The following LCA5 variants were observed in gnomAD, a reference collection of about 807,000 sequenced individuals.
The protein encoded by LCA5 is lebercilin.
In LCA5, 37 loss-of-function variants were observed where a neutral mutation model predicts 53.0. The observed-to-expected ratio is 0.70, with a 90% CI of 0.54 to 0.92. The LOEUF is 0.92. LCA5 is among the 40% of genes least tolerant of loss of function. The pLI, the probability that LCA5 is intolerant of heterozygous loss-of-function variation, is 0.00. For missense variants in LCA5, 806 were observed against 790.5 expected (o/e 1.02, Z -0.23); for synonymous variants, 303 against 282.9 (o/e 1.07, Z -0.71).
chr6:79,506,588 G>C (rs1291885609), intron 3 of LCA5, among the ~76,000 whole-genome samples: 1 of 152,062 alleles, frequency 6.6e-6, no homozygotes, highest in East Asian at 1.9e-4. Context: ...CTAAGAAATG[G>C]TGCAGTCTTG....
rs976369896 is a variant in LCA5 at position 79,518,974 on chromosome 6, T to C, written c.-80A>G. 2.4e-6 allele frequency: 3 copies of C among 1,274,060 alleles called. No individual in the cohort carries two copies. Among genetic ancestry groups the C allele is most frequent in the African/African-American group, 1.5e-5 (1 of 68,392 alleles). The allele number at this position is 1,274,060 out of a possible 1,614,324, so 78.9% of individuals were successfully genotyped here. On this transcript the variant is annotated 5_prime_UTR_variant, in exon 2 of 8. An upstream start codon of the reference 5' UTR is lost. Coordinates refer to ENST00000369846, the MANE Select transcript of LCA5 (RefSeq NM_001122769.3). ...GAGACTATGACAATACTGAAAAACA[T>C]TTTCACAGTCTTCAGATCCTGATAA...
At chr6:79,536,001 G>A (rs572088018) in intron 1 of LCA5, among the ~76,000 whole-genome samples, 12 of 152,244 alleles carry the variant, frequency 7.9e-5, no homozygotes, top group African/African-American at 2.6e-4. Context: ...TATGTGTAAC[G>A]GAAGAGATGT....
At chr6:79,492,858 G>A (rs776293897) in intron 4 of LCA5, among the ~76,000 whole-genome samples, 4 of 151,768 alleles carry the variant, frequency 2.6e-5, no homozygotes, top group Non-Finnish European at 5.9e-5. Flanking sequence ...AATATGTCCT[G>A]GAAATTAAAA....
chr6:79,503,511 A>G (rs986805638), intron 3 of LCA5, among the ~76,000 whole-genome samples: 16 of 152,304 alleles, frequency 1.1e-4, no homozygotes, highest in African/African-American at 3.6e-4. Context: ...CCACTGCACT[A>G]AATTATTTCC....
intron 3 of LCA5, among the ~76,000 whole-genome samples, chr6:79,511,350 C>T (rs1770404576): frequency 6.6e-6 from 1 of 152,116 alleles, no homozygotes; most frequent in Non-Finnish European, 1.5e-5. Flanking sequence ...AATGTATAAG[C>T]AAAATCTGCT....
chr6:79,538,229 G>C (rs967345663), upstream of LCA5, among the ~76,000 whole-genome samples: 3 of 151,748 alleles, frequency 2.0e-5, no homozygotes, highest in African/African-American at 4.8e-5. Context: ...CACTACTCTG[G>C]TGTTCTCACT....
At chr6:79,533,901 CAA>C (rs940874720) in intron 1 of LCA5, among the ~76,000 whole-genome samples, 7 of 151,632 alleles carry the variant, frequency 4.6e-5, no homozygotes, top group Non-Finnish European at 7.4e-5. Flanking sequence ...TTGCTACCAG[CAA>C]AAGAGTTCAC....
At chr6:79,531,177 G>A (rs1174234498) in intron 1 of LCA5, among the ~76,000 whole-genome samples, 1 of 152,080 alleles carries the variant, frequency 6.6e-6, no homozygotes. Context: ...TAACAATCAG[G>A]TGATAACTAC....
At chr6:79,527,382 G>A (rs2127687829) in intron 1 of LCA5, among the ~76,000 whole-genome samples, 1 of 152,212 alleles carries the variant, frequency 6.6e-6, no homozygotes, top group African/African-American at 2.4e-5. Context: ...ATGGAAACTG[G>A]CAGGGAACTC....
chr6:79,506,894 T>C (rs548454898), intron 3 of LCA5, among the ~76,000 whole-genome samples: 2 of 152,218 alleles, frequency 1.3e-5, no homozygotes, highest in Non-Finnish European at 2.9e-5. Context: ...AAATGACCAA[T>C]GTGTGATGTA....
chr6:79,493,491 T>C (rs1562096723), intron 4 of LCA5, 122 bp downstream of exon 4: 2 of 931,556 alleles, frequency 2.1e-6, no homozygotes, highest in African/African-American at 1.7e-5. Context: ...AAAGATAATA[T>C]CAGAATTTTG....
At chr6:79,511,568 A>C (rs1325159362) in intron 3 of LCA5, among the ~76,000 whole-genome samples, 2 of 152,192 alleles carry the variant, frequency 1.3e-5, no homozygotes, top group Non-Finnish European at 2.9e-5. Flanking sequence ...ACACGAATCT[A>C]TACATGTGAT....
chr6:79,486,927 A>T lies in LCA5; in HGVS notation c.*77T>A, dbSNP rs1392385941. ...TAATAAGGACATTTTAGCATTAAAA[A>T]GTCTAAATGTTTATAATAAATACTG... On this transcript the variant is annotated 3_prime_UTR_variant, in exon 8 of 8. Transcript: ENST00000369846. The T allele has an allele frequency of 6.7e-6, 8 of 1,196,334 alleles. No individual in the cohort carries two copies. The East Asian group carries it at 2.1e-4, about 31-fold the overall frequency. The allele number at this position is 1,196,334 out of a possible 1,614,324, so 74.1% of individuals were successfully genotyped here. A position where few individuals can be genotyped will look rare whatever the true frequency, so the allele number is the denominator to read the frequency against.
chr6:79,521,594 CTT>C (rs1373030147), intron 1 of LCA5, among the ~76,000 whole-genome samples: 1 of 152,110 alleles, frequency 6.6e-6, no homozygotes, highest in African/African-American at 2.4e-5. Flanking sequence ...AGTTTTAAAA[CTT>C]TGACATTCAA....
chr6:79,511,667 T>A (rs746539602), intron 3 of LCA5, among the ~76,000 whole-genome samples: 1 of 152,192 alleles, frequency 6.6e-6, no homozygotes, highest in Non-Finnish European at 1.5e-5. Context: ...ACCAATTTCC[T>A]GGTTGTAATA....
At chr6:79,516,284 G>A (rs1297536071) in intron 2 of LCA5, among the ~76,000 whole-genome samples, 3 of 151,536 alleles carry the variant, frequency 2.0e-5, no homozygotes, top group Admixed American at 6.6e-5. Context: ...TGTAGTTAAT[G>A]GAATTTTGGT....
intron 5 of LCA5, 115 bp from the exon 6 acceptor site, chr6:79,491,845 T>G (rs781021546): frequency 5.0e-6 from 4 of 799,424 alleles, no homozygotes; most frequent in Non-Finnish European, 6.3e-6. Context: ...CATGTACATT[T>G]ATATGCACCA....
chr6:79,518,394 C>A (rs1766509035), intron 2 of LCA5, among the ~76,000 whole-genome samples: 1 of 152,016 alleles, frequency 6.6e-6, no homozygotes, highest in Non-Finnish European at 1.5e-5. Flanking sequence ...GATTTATAAA[C>A]TTTTTTGCCT....
At chr6:79,528,219 T>G (rs1766848480) in intron 1 of LCA5, among the ~76,000 whole-genome samples, 1 of 152,158 alleles carries the variant, frequency 6.6e-6, no homozygotes, top group South Asian at 2.1e-4. Flanking sequence ...TTTCCTGCAT[T>G]GCGGAGGTCA....
Sources: allele counts gnomAD v4.1 joint callset (sites outside exome capture counted in the v4.1 genomes callset), GRCh38; gene constraint gnomAD v4.1.1; transcripts MANE v1.5; gene names NCBI Gene and HGNC (gene_info 2026-07-23, HGNC 2026-07-21).